TRIM67: variants seen among roughly 807,000 people sequenced by gnomAD.
TRIM67 encodes tripartite motif-containing protein 67.
TRIM67 carries 39 observed loss-of-function variants against 71.0 expected under a neutral mutation model. The observed-to-expected ratio is 0.55, with a 90% CI of 0.43 to 0.72. The LOEUF is 0.72. TRIM67 is among the 30% of genes least tolerant of loss of function. The pLI, the probability that TRIM67 is intolerant of heterozygous loss-of-function variation, is 0.00. For synonymous variants in TRIM67, 481 were observed against 473.9 expected (o/e 1.01, Z -0.19); for missense variants, 973 against 1,079.2 (o/e 0.90, Z 1.38).
intron 9 of TRIM67, among the ~76,000 whole-genome samples, chr1:231,214,435 C>A (rs1369091130): frequency 6.6e-6 from 1 of 152,028 alleles, no homozygotes; most frequent in Non-Finnish European, 1.5e-5. Flanking sequence ...ACTGATTGAT[C>A]GATTCGATCC....
Position 231,218,814 on chromosome 1 carries a change from T to A in TRIM67, c.*3374T>A. ...CCGGATTGAGCCTGGGCAGGCTCTG[T>A]GGAGCTCACCAAGAGAGCTGGGGGC... is the stretch of plus-strand genomic sequence containing the variant. On this transcript the variant is annotated 3_prime_UTR_variant, in exon 10 of 10. Coordinates refer to ENST00000366653, the MANE Select transcript of TRIM67 (RefSeq NM_001004342.5). 1 of 985,454 alleles carries A rather than the reference T, an allele frequency of 1.0e-6. No individual in the cohort carries two copies. Among genetic ancestry groups the A allele is most frequent in the Non-Finnish European group, 1.2e-6 (1 of 829,946 alleles). The allele number at this position is 985,454 out of a possible 1,614,324, so 61.0% of individuals were successfully genotyped here.
rs1571863033 is a variant in TRIM67, at chr1:231,163,169, T to C, written c.200T>C (p.Leu67Pro). 3.3e-6 allele frequency: 5 copies of C among 1,505,118 alleles called. No homozygotes were observed. The East Asian group carries it at 1.1e-4, about 33-fold the overall frequency. 93.2% of individuals were successfully genotyped at this position (1,505,118 alleles called of 1,614,324 possible). Residue 67 changes from leucine to proline, a missense_variant, in exon 1 of 10, where the codon CTG (leucine) becomes CCG (proline). Coordinates refer to ENST00000366653, the MANE Select transcript of TRIM67 (RefSeq NM_001004342.5). ...LQAGAAAAAS[L>P]EHDAAAGPAC... ...GCGGGCGCCGCCGCCGCTGCCTCTC[T>C]GGAGCACGACGCTGCGGCTGGCCCG...
At chr1:231,196,020 G>A (rs1001921232) in intron 1 of TRIM67, among the ~76,000 whole-genome samples, 1 of 152,170 alleles carries the variant, frequency 6.6e-6, no homozygotes, top group African/African-American at 2.4e-5. Flanking sequence ...TTCCAGTGCC[G>A]GGATAAGCTG....
intron 1 of TRIM67, among the ~76,000 whole-genome samples, chr1:231,189,264 A>G (rs1375742602): frequency 6.6e-6 from 1 of 152,234 alleles, no homozygotes; most frequent in African/African-American, 2.4e-5. Flanking sequence ...CAGTCATAGC[A>G]GGCTCAATGA....
intron 8 of TRIM67, among the ~76,000 whole-genome samples, chr1:231,210,779 C>T (rs1378927556): frequency 6.6e-6 from 1 of 151,892 alleles, no homozygotes; most frequent in Non-Finnish European, 1.5e-5. Flanking sequence ...GTGGCTTGCA[C>T]CTGCAATCCC....
intron 9 of TRIM67, among the ~76,000 whole-genome samples, chr1:231,214,727 C>A (rs1411896059): frequency 6.9e-6 from 1 of 145,162 alleles, no homozygotes; most frequent in African/African-American, 2.6e-5. Flanking sequence ...TCCAGTGAGC[C>A]GAGATCGCAC....
intron 8 of TRIM67, among the ~76,000 whole-genome samples, chr1:231,213,066 A>G (rs1683917260): frequency 2.0e-5 from 3 of 152,204 alleles, no homozygotes. Flanking sequence ...GGGGCCTTTC[A>G]AAATTTCCTG....
At chr1:231,214,048 C>T (rs1571906688) in intron 9 of TRIM67, 71 bp downstream of exon 9, 4 of 1,475,274 alleles carry the variant, frequency 2.7e-6, no homozygotes, top group Non-Finnish European at 3.6e-6. Flanking sequence ...CTGCAGTGCC[C>T]TTGGGCAGAG....
intron 3 of TRIM67, 116 bp downstream of exon 3, chr1:231,199,285 C>A: frequency 2.0e-6 from 2 of 1,023,232 alleles, no homozygotes; most frequent in Non-Finnish European, 1.5e-6. Context: ...AATGAATGAG[C>A]TAATGAATGA....
intron 1 of TRIM67, among the ~76,000 whole-genome samples, chr1:231,187,267 A>G (rs1003781822): frequency 6.6e-6 from 1 of 152,070 alleles, no homozygotes; most frequent in Admixed American, 6.6e-5. Flanking sequence ...GGGGAGTAGG[A>G]TTTCGGGATA....
chr1:231,167,317 G>A (rs1205805489), intron 1 of TRIM67, among the ~76,000 whole-genome samples: 13 of 66,772 alleles, frequency 1.9e-4, no homozygotes, highest in Non-Finnish European at 3.2e-4. Context: ...TCACTCTAAT[G>A]TCTTTTTTTT....
chr1:231,202,153 C>CATGGA, intron 5 of TRIM67, among the ~76,000 whole-genome samples: 1 of 2,252 alleles, frequency 4.4e-4, no homozygotes, highest in Admixed American at 6.0e-3. Flanking sequence ...GAAGAGGTAG[C>CATGGA]GGAGGAGGAG....
chr1:231,176,993 A>G (rs1003337280), intron 1 of TRIM67, among the ~76,000 whole-genome samples: 4 of 150,968 alleles, frequency 2.6e-5, no homozygotes, highest in African/African-American at 9.8e-5. Context: ...GGGTAAAAAC[A>G]AAAGAAGTGA....
In TRIM67 at chr1:231,217,981, C is replaced by T; in HGVS notation, c.*2541C>T. ...GGGATTCTCCCTTTTCTGACTCCTC[C>T]AGGAGCCCAGAAGCAATACGGCCGA... On this transcript the variant is annotated 3_prime_UTR_variant, in exon 10 of 10. Coordinates refer to ENST00000366653, the MANE Select transcript of TRIM67 (RefSeq NM_001004342.5). 2.4e-6 allele frequency: 3 copies of T among 1,231,744 alleles called. No homozygotes were observed. Among genetic ancestry groups the T allele is most frequent in the Non-Finnish European group, 3.1e-6 (3 of 962,224 alleles). 76.3% of individuals were successfully genotyped at this position (1,231,744 alleles called of 1,614,324 possible). A position where few individuals can be genotyped will look rare whatever the true frequency, so the allele number is the denominator to read the frequency against.
chr1:231,165,867 T>G (rs973397306), intron 1 of TRIM67, among the ~76,000 whole-genome samples: 3 of 152,214 alleles, frequency 2.0e-5, no homozygotes, highest in African/African-American at 7.2e-5. Flanking sequence ...GAGACAAAAC[T>G]AATTCTGAGT....
intron 1 of TRIM67, chr1:231,186,167 C>G: frequency 6.5e-7 from 1 of 1,530,850 alleles, no homozygotes; most frequent in South Asian, 1.2e-5. Flanking sequence ...GGCGCTCCCT[C>G]TTTGTTCTGC....
chr1:231,216,637 G>A lies in TRIM67; in HGVS notation c.*1197G>A, dbSNP rs1048909987. 1.6e-4 allele frequency: 158 copies of A among 985,450 alleles called. No individual in the cohort carries two copies. The highest frequency in any genetic ancestry group is 6.8e-4 in the Admixed American group (11 of 16,278). 61.0% of individuals were successfully genotyped at this position (985,450 alleles called of 1,614,324 possible). Reference sequence around the variant, plus strand: ...CTGATGCAGTGGGCGGGATCTCTGGGGAAGGCAGGAAATAGAAGGGCAGTA... The same window carrying A: ...CTGATGCAGTGGGCGGGATCTCTGGAGAAGGCAGGAAATAGAAGGGCAGTA... On this transcript the variant is annotated 3_prime_UTR_variant, in exon 10 of 10. Coordinates refer to ENST00000366653, the MANE Select transcript of TRIM67 (RefSeq NM_001004342.5).
chr1:231,183,110 G>C (rs576150451), intron 1 of TRIM67, among the ~76,000 whole-genome samples: 1 of 152,208 alleles, frequency 6.6e-6, no homozygotes, highest in African/African-American at 2.4e-5. Flanking sequence ...AAGCTGAGTT[G>C]TGGAAGGGAT....
chr1:231,206,604 C>A (rs1198638070), intron 6 of TRIM67, 48 bp from the exon 7 acceptor site: 7 of 1,493,598 alleles, frequency 4.7e-6, no homozygotes, highest in African/African-American at 1.4e-5. Context: ...CTAAGAGGAG[C>A]TTTCCAAATG....
Sources: gnomAD v4.1 joint callset for allele counts (sites outside exome capture counted in the v4.1 genomes callset) on GRCh38, gnomAD v4.1.1 for gene constraint, MANE v1.5 for transcripts, NCBI Gene and HGNC (gene_info 2026-07-23, HGNC 2026-07-21) for gene names.